The following DLC1 variants were observed in gnomAD, a reference collection of about 807,000 sequenced individuals.
DLC1 encodes DLC1 Rho GTPase activating protein.
Under a neutral mutation model 140.3 loss-of-function variants are expected in DLC1, and 54 were observed. The observed-to-expected ratio is 0.38, with a 90% CI of 0.31 to 0.48. The LOEUF is 0.48. Ranked by LOEUF, DLC1 falls within the 20% of genes least tolerant of loss-of-function variation. The probability of loss-of-function intolerance (pLI) is 0.96; values close to 1 mark genes in which losing one functional copy is unlikely to be tolerated. For synonymous variants in DLC1, 986 were observed against 728.1 expected (o/e 1.35, Z -5.70); for missense variants, 2,536 against 1,907.0 (o/e 1.33, Z -6.14).
chr8:13,558,467 A>G (rs1313927282), intron 1 of DLC1: 1 of 152,118 alleles, frequency 6.6e-6, no homozygotes, highest in East Asian at 1.9e-4. Flanking sequence ...TAATTTTTTC[A>G]TTTAAAAATT....
chr8:13,506,575 G>GTGTC (rs1554534345), intron 1 of DLC1, among the ~76,000 whole-genome samples: 4 of 9,700 alleles, frequency 4.1e-4, no homozygotes, highest in East Asian at 3.0e-3. Flanking sequence ...ACATGTGTGT[G>GTGTC]TGTGTGTATA....
intron 1 of DLC1, among the ~76,000 whole-genome samples, chr8:13,551,382 T>C (rs766746467): frequency 2.0e-5 from 3 of 152,096 alleles, no homozygotes; most frequent in Non-Finnish European, 4.4e-5. Flanking sequence ...TTCTAGATTT[T>C]GAATTTTTAT....
At chr8:13,268,506 T>TC (rs1830782943) in intron 5 of DLC1, among the ~76,000 whole-genome samples, 1 of 152,102 alleles carries the variant, frequency 6.6e-6, no homozygotes, top group African/African-American at 2.4e-5. Flanking sequence ...CACCTCAGCT[T>TC]CCCGAGTATT....
intron 5 of DLC1, among the ~76,000 whole-genome samples, chr8:13,170,692 T>C (rs1252855748): frequency 7.2e-6 from 1 of 139,810 alleles, no homozygotes; most frequent in Non-Finnish European, 1.5e-5. Flanking sequence ...ATCGCGCCAC[T>C]GCACTCCAGC....
intron 1 of DLC1, among the ~76,000 whole-genome samples, chr8:13,600,569 A>T (rs1382481546): frequency 6.6e-6 from 1 of 151,918 alleles, no homozygotes; most frequent in African/African-American, 2.4e-5. Flanking sequence ...AATGTGGTAC[A>T]GATGCAGTTG....
At chr8:13,151,624 C>T (rs1337144851) in intron 5 of DLC1, among the ~76,000 whole-genome samples, 1 of 152,178 alleles carries the variant, frequency 6.6e-6, no homozygotes, top group Non-Finnish European at 1.5e-5. Flanking sequence ...AATGATTAAT[C>T]AGTATCTGAG....
chr8:13,279,068 C>A (rs1163100222), intron 5 of DLC1, among the ~76,000 whole-genome samples: 6 of 152,182 alleles, frequency 3.9e-5, no homozygotes, highest in African/African-American at 1.4e-4. Flanking sequence ...TTAGTGTTAT[C>A]TAGGCTCAGT....
intron 5 of DLC1, among the ~76,000 whole-genome samples, chr8:13,295,163 G>T (rs1419674806): frequency 6.6e-6 from 1 of 152,200 alleles, no homozygotes; most frequent in Non-Finnish European, 1.5e-5. Context: ...GTGATGAACT[G>T]TGCTGTTATT....
chr8:13,355,167 C>G (rs1160672947), intron 4 of DLC1, among the ~76,000 whole-genome samples: 1 of 113,558 alleles, frequency 8.8e-6, no homozygotes, highest in Non-Finnish European at 1.8e-5. Context: ...TTTTAATAGA[C>G]TTTGTTACTT....
chr8:13,242,233 T>C (rs1010719163), intron 5 of DLC1, among the ~76,000 whole-genome samples: 14 of 152,260 alleles, frequency 9.2e-5, no homozygotes, highest in Admixed American at 7.2e-4. Context: ...TCCTAGAGCA[T>C]CAATACTCTG....
chr8:13,586,589 GCA>G (rs3066494), intron 1 of DLC1, among the ~76,000 whole-genome samples: 19,529 of 142,820 alleles, frequency 0.14, 1,820 homozygotes, highest in African/African-American at 0.28. Context: ...AGATGCACAT[GCA>G]CACACACACA....
intron 8 of DLC1, among the ~76,000 whole-genome samples, chr8:13,101,664 A>G (rs769933864): frequency 2.0e-5 from 3 of 152,098 alleles, no homozygotes; most frequent in Non-Finnish European, 4.4e-5. Context: ...CCTCCCCCAC[A>G]AGACATGAAG....
chr8:13,396,472 A>G (rs1177330489), intron 3 of DLC1, among the ~76,000 whole-genome samples: 1 of 152,190 alleles, frequency 6.6e-6, no homozygotes, highest in Non-Finnish European at 1.5e-5. Flanking sequence ...ACTACCGTTT[A>G]TTGCATTTTT....
At chr8:13,342,204 C>G (rs1211058215) in intron 4 of DLC1, 1 of 152,154 alleles carries the variant, frequency 6.6e-6, no homozygotes, top group Non-Finnish European at 1.5e-5. Flanking sequence ...GTAATAGGAA[C>G]TACTTTATTT....
intron 2 of DLC1, among the ~76,000 whole-genome samples, chr8:13,433,160 G>A (rs1333540159): frequency 6.6e-6 from 1 of 152,048 alleles, no homozygotes; most frequent in African/African-American, 2.4e-5. Flanking sequence ...CCTATTCCAT[G>A]AAGCCTAAGA....
intron 5 of DLC1, among the ~76,000 whole-genome samples, chr8:13,214,081 G>C (rs1828073028): frequency 6.6e-6 from 1 of 152,156 alleles, no homozygotes; most frequent in African/African-American, 2.4e-5. Context: ...ACTGGGCCTG[G>C]CTGTTTATTT....
intron 4 of DLC1, among the ~76,000 whole-genome samples, chr8:13,353,212 C>G (rs1021469449): frequency 6.6e-6 from 1 of 152,122 alleles, no homozygotes; most frequent in African/African-American, 2.4e-5. Flanking sequence ...TCTTGCAAGA[C>G]GAACACCCAG....
intron 5 of DLC1, among the ~76,000 whole-genome samples, chr8:13,157,246 G>A (rs1824319869): frequency 6.6e-6 from 1 of 152,022 alleles, no homozygotes; most frequent in Non-Finnish European, 1.5e-5. Flanking sequence ...ATGACATTAA[G>A]GACTCAAATA....
At chr8:13,209,568 T>A (rs1827838664) in intron 5 of DLC1, among the ~76,000 whole-genome samples, 1 of 152,198 alleles carries the variant, frequency 6.6e-6, no homozygotes, top group African/African-American at 2.4e-5. Flanking sequence ...GAATCTCATG[T>A]TGAAATGTAA....
Sources: allele counts gnomAD v4.1 joint callset (sites outside exome capture counted in the v4.1 genomes callset), GRCh38; gene constraint gnomAD v4.1.1; transcripts MANE v1.5; gene names NCBI Gene and HGNC (gene_info 2026-07-23, HGNC 2026-07-21).